RIPK1: variants seen among roughly 807,000 people sequenced by gnomAD.
RIPK1 encodes the protein receptor-interacting serine/threonine-protein kinase 1.
Under a neutral mutation model 62.4 loss-of-function variants are expected in RIPK1, and 27 were observed. The ratio of observed to expected loss-of-function variants is 0.43; its 90% CI spans 0.32 to 0.60. RIPK1 has a LOEUF of 0.60. Ranked by LOEUF, RIPK1 falls within the 20% of genes least tolerant of loss-of-function variation. The pLI is 0.07. For synonymous variants in RIPK1, 287 were observed against 303.2 expected, an observed-to-expected ratio of 0.95 and a Z score of 0.55; for missense variants, 735 against 831.0, an observed-to-expected ratio of 0.88 and a Z score of 1.42.
Position 3,073,571 on chromosome 6 carries a change from G to T in RIPK1, c.-60-3193G>T, listed in dbSNP as rs1001479684. Among the ~76,000 whole-genome samples the T allele has an allele frequency of 2.6e-5, 4 of 151,818 alleles. No individual in the cohort carries two copies. The South Asian group carries it at 6.2e-4, about 24-fold the overall frequency. On this transcript the variant is annotated intron_variant, in intron 1 of 10. Transcript: ENST00000259808. ...AGGCAGCCCCCCGCCTCCACCCACTGCCCACGTCCCACCGATGTAGTTGTT... is the reference window on the plus strand; with the variant it reads ...AGGCAGCCCCCCGCCTCCACCCACTTCCCACGTCCCACCGATGTAGTTGTT...
intron 1 of RIPK1, among the ~76,000 whole-genome samples, chr6:3,074,000 C>G (rs1387752212): frequency 1.3e-5 from 2 of 152,216 alleles, no homozygotes; most frequent in African/African-American, 2.4e-5. Context: ...CAGTACACAT[C>G]TCGAAATACT....
Position 3,081,004 on chromosome 6 carries a change from G to A in RIPK1, c.347G>A (p.Gly116Glu). The A allele has an allele frequency of 6.2e-7, 1 of 1,614,014 alleles. No homozygotes were observed. Among genetic ancestry groups the A allele is most frequent in the Non-Finnish European group, 8.5e-7 (1 of 1,179,950 alleles). Residue 116 changes from glycine to glutamate, a missense_variant, in exon 4 of 11, where the codon GGA becomes GAA. Transcript: ENST00000259808. ...ATGAGTACTCCGCTTTCTGTAAAAGGAAGGATAATTTTGGAAATCATTGAA... is the reference window on the plus strand; with the variant it reads ...ATGAGTACTCCGCTTTCTGTAAAAGAAAGGATAATTTTGGAAATCATTGAA... ...AEMSTPLSVK[G>E]RIILEIIEGM...
chr6:3,080,955 T>C lies in RIPK1; in HGVS notation c.322-24T>C, dbSNP rs371415430. The C allele has an allele frequency of 3.1e-5, 50 of 1,609,128 alleles. No individual in the cohort carries two copies. In the African/African-American group the frequency reaches 4.3e-4, roughly 14 times the overall value. On this transcript the variant is annotated intron_variant, in intron 3 of 10. Coordinates refer to ENST00000259808, the MANE Select transcript of RIPK1 (RefSeq NM_001354930.2). ...CCTATTTGATAACCTTTCCATTTCATAGACTTAATATCACTTGTTTTAGAT... is the reference window on the plus strand; with the variant it reads ...CCTATTTGATAACCTTTCCATTTCACAGACTTAATATCACTTGTTTTAGAT...
At chr6:3,112,179 A>G (rs13193490) in intron 10 of RIPK1, among the ~76,000 whole-genome samples, 5,359 of 152,204 alleles carry the variant, frequency 0.035, 168 homozygotes, top group African/African-American at 0.072. Context: ...CCAAAAACAG[A>G]CCTTGAAGAG....
chr6:3,079,744 G>T (rs1394536632), intron 3 of RIPK1, among the ~76,000 whole-genome samples: 2 of 152,184 alleles, frequency 1.3e-5, no homozygotes, highest in African/African-American at 4.8e-5. Flanking sequence ...TCACTTATAC[G>T]CATGGTATTA....
At chr6:3,098,784 T>A (rs1028817508) in intron 7 of RIPK1, among the ~76,000 whole-genome samples, 3 of 152,036 alleles carry the variant, frequency 2.0e-5, no homozygotes, top group Non-Finnish European at 4.4e-5. Context: ...GAGATTGGGG[T>A]GCAAGGAAGG....
chr6:3,083,171 C>G lies in RIPK1; in HGVS notation c.546C>G (p.Thr182=), dbSNP rs568387393. Residue 182 remains threonine, a synonymous_variant, in exon 5 of 11, where the codon ACC becomes ACG. Transcript: ENST00000259808. ...EHNELREVDG[T]AKKNGGTLYY... is the part of the protein sequence containing the mutation. Reference sequence around the variant, plus strand: ...ATGAGCTGAGGGAAGTGGACGGCACCGCTAAGAAGAATGGCGGCACCCTCT... The same window carrying G: ...ATGAGCTGAGGGAAGTGGACGGCACGGCTAAGAAGAATGGCGGCACCCTCT... 1.2e-6 allele frequency: 2 copies of G among 1,614,024 alleles called. No homozygotes were observed. Among genetic ancestry groups the G allele is most frequent in the Non-Finnish European group, 1.7e-6 (2 of 1,179,982 alleles).
chr6:3,081,159 AGTTTT>A (rs1194884636), intron 4 of RIPK1, 43 bp downstream of exon 4: 1 of 1,603,330 alleles, frequency 6.2e-7, no homozygotes, highest in East Asian at 2.2e-5. Flanking sequence ...GGGTGATTTT[AGTTTT>A]AATTCTCCAA....
At chr6:3,103,841 C>A (rs1760700480) in intron 7 of RIPK1, among the ~76,000 whole-genome samples, 1 of 152,160 alleles carries the variant, frequency 6.6e-6, no homozygotes, top group African/African-American at 2.4e-5. Flanking sequence ...TTCATTATTT[C>A]ATATGTGTAT....
In RIPK1 at chr6:3,110,842, T is replaced by C; in HGVS notation, c.1616T>C (p.Ile539Thr). The C allele has an allele frequency of 1.3e-6, 2 of 1,593,670 alleles. No homozygotes were observed. The highest frequency in any genetic ancestry group is 1.7e-6 in the Non-Finnish European group (2 of 1,161,514). Reference sequence around the variant, plus strand: ...TATACCATATACAATAGTACTGGCATTCAGATTGGAGCCTACAATTATATG... The same window carrying C: ...TATACCATATACAATAGTACTGGCACTCAGATTGGAGCCTACAATTATATG... ...IKYTIYNSTG[I>T]QIGAYNYMEI... Residue 539 changes from isoleucine (I) to threonine (T), a missense_variant, in exon 10 of 11, where the codon ATT (isoleucine) becomes ACT (threonine). Ile to Thr is a moderately conservative substitution (Grantham distance 89). Around this residue, in one of 2 missense-constraint regions of RIPK1, gnomAD observed 671 missense variants for 726.2 expected, o/e 0.92. Coordinates refer to ENST00000259808, the MANE Select transcript of RIPK1 (RefSeq NM_001354930.2).
chr6:3,087,422 GTTTT>G (rs756179356), intron 6 of RIPK1, among the ~76,000 whole-genome samples: 2 of 149,214 alleles, frequency 1.3e-5, no homozygotes, highest in Non-Finnish European at 3.0e-5. Flanking sequence ...TGTTTTTTTT[GTTTT>G]TTTTGTTTTT....
chr6:3,080,650 C>A (rs1759325819), intron 3 of RIPK1, among the ~76,000 whole-genome samples: 1 of 152,162 alleles, frequency 6.6e-6, no homozygotes, highest in Non-Finnish European at 1.5e-5. Flanking sequence ...AACAAGCATT[C>A]CAGGTACAAT....
intron 3 of RIPK1, among the ~76,000 whole-genome samples, chr6:3,078,236 G>C (rs1013361898): frequency 6.6e-6 from 1 of 152,124 alleles, no homozygotes; most frequent in African/African-American, 2.4e-5. Flanking sequence ...GGCTCCGTGG[G>C]TCACTTCTGT....
chr6:3,073,451 C>T (rs952418498), intron 1 of RIPK1, among the ~76,000 whole-genome samples: 4 of 152,212 alleles, frequency 2.6e-5, no homozygotes, highest in South Asian at 2.1e-4. Flanking sequence ...AGTTCACGCT[C>T]ATAGTGGAGG....
At chr6:3,069,907 A>T (rs1378540945) in intron 1 of RIPK1, among the ~76,000 whole-genome samples, 2 of 152,154 alleles carry the variant, frequency 1.3e-5, no homozygotes, top group African/African-American at 2.4e-5. Context: ...GCTACGCGGG[A>T]GGCTGAGGCA....
chr6:3,071,586 C>G (rs958936810), intron 1 of RIPK1, among the ~76,000 whole-genome samples: 3 of 152,194 alleles, frequency 2.0e-5, no homozygotes, highest in Non-Finnish European at 2.9e-5. Flanking sequence ...CAACTACTCA[C>G]AAGGCCTTCC....
rs949307294 is a variant in RIPK1 at position 3,105,405 on chromosome 6, T to C, written c.1007-77T>C. The C allele has an allele frequency of 4.3e-6, 5 of 1,163,840 alleles. No individual in the cohort carries two copies. Among genetic ancestry groups the C allele is most frequent in the Non-Finnish European group, 6.1e-6 (5 of 816,968 alleles). The allele number at this position is 1,163,840 out of a possible 1,614,324, so 72.1% of individuals were successfully genotyped here. On this transcript the variant is annotated intron_variant, in intron 8 of 10. Coordinates refer to ENST00000259808, the MANE Select transcript of RIPK1 (RefSeq NM_001354930.2). This position sits in a 1 kb window ranked among gnomAD's most constrained non-coding sequence, Gnocchi z 4.5. ...CTGTGTGTTACTTTGAGATACAGATTCATGACGGCGCTCAGATTTTATTTT... is the reference window on the plus strand; with the variant it reads ...CTGTGTGTTACTTTGAGATACAGATCCATGACGGCGCTCAGATTTTATTTT...
At chr6:3,090,857 A>ACCTGCCGCACCTAGTAACCGCAGAGCG (rs1760038606) in intron 7 of RIPK1, among the ~76,000 whole-genome samples, 1 of 64,050 alleles carries the variant, frequency 1.6e-5, no homozygotes, top group Non-Finnish European at 2.4e-5. Context: ...ACCGCAGAGT[A>ACCTGCCGCACCTAGTAACCGCAGAGCG]CCTACCTGCC....
chr6:3,096,550 GTT>G lies in RIPK1; in HGVS notation c.915+6919_915+6920del, dbSNP rs112979664. ...AATGCAATCTCAACCAATATCTCAA[GTT>G]TTTTTTTTTTTTTTTTTTTTTTTTT... is the stretch of plus-strand genomic sequence containing the variant. On this transcript the variant is annotated intron_variant, in intron 7 of 10. Transcript: ENST00000259808. Among the ~76,000 whole-genome samples, 761 of 98,468 alleles carry G rather than the reference GTT, an allele frequency of 7.7e-3. 11 individuals carry two copies. The highest frequency in any genetic ancestry group is 0.03 in the African/African-American group (744 of 25,000). The allele number at this position is 98,468 out of a possible 152,430, so 64.6% of individuals were successfully genotyped here.
Sources: gnomAD v4.1 joint callset for allele counts (sites outside exome capture counted in the v4.1 genomes callset) on GRCh38, gnomAD v4.1.1 for gene constraint, gnomAD v4.1.1 regional missense constraint, Gnocchi (gnomAD v3.1) non-coding constraint, MANE v1.5 for transcripts, NCBI Gene and HGNC (gene_info 2026-07-23, HGNC 2026-07-21) for gene names.